The following KCNA6 variants were observed in gnomAD, a reference collection of about 807,000 sequenced individuals.
KCNA6 encodes the protein potassium voltage-gated channel subfamily A member 6.
KCNA6 carries 17 observed loss-of-function variants against 29.5 expected under a neutral mutation model. The observed-to-expected ratio is 0.58, with a 90% confidence interval of 0.39 to 0.86. The LOEUF is 0.86. KCNA6 is among the 40% of genes least tolerant of loss of function. The pLI, the probability that KCNA6 is intolerant of heterozygous loss-of-function variation, is 0.00. For synonymous variants in KCNA6, 296 were observed against 304.7 expected (o/e 0.97, Z 0.30); for missense variants, 450 against 703.4 (o/e 0.64, Z 4.07).
Position 4,811,517 on chromosome 12 carries a change from T to G in KCNA6, c.1476T>G (p.Thr492=). Reference sequence around the variant, plus strand: ...AGCCTGCGCCGGACCTGAGGGCAACTGACAACGGACTTGGCAAGCCTGACT... The same window carrying G: ...AGCCTGCGCCGGACCTGAGGGCAACGGACAACGGACTTGGCAAGCCTGACT... The change falls in exon 1 of 1, where the codon ACT becomes ACG. Residue 492 remains threonine, a synonymous_variant. Transcript: ENST00000280684. The surrounding 1 kb of genome is among the most constrained non-coding windows in gnomAD (Gnocchi z 7.1). 1 of 1,614,150 alleles carries G rather than the reference T, an allele frequency of 6.2e-7. No homozygotes were observed. The highest frequency in any genetic ancestry group is 8.5e-7 in the Non-Finnish European group (1 of 1,180,030).
In KCNA6 at chr12:4,810,313, C is replaced by G. The variant is rs772509286; in HGVS notation, c.272C>G (p.Pro91Arg). 1.9e-6 allele frequency: 3 copies of G among 1,614,014 alleles called. No individual in the cohort carries two copies. Among genetic ancestry groups the G allele is most frequent in the Non-Finnish European group, 2.5e-6 (3 of 1,180,044 alleles). Reference sequence around the variant, plus strand: ...GAGTACTTCTTCGACCGCAACCGGCCCAGCTTCGACGCCATCCTCTACTAC... The same window carrying G: ...GAGTACTTCTTCGACCGCAACCGGCGCAGCTTCGACGCCATCCTCTACTAC... The change falls in exon 1 of 1, where the codon CCC becomes CGC. Residue 91 changes from proline to arginine, a missense_variant. Around this residue, in one of 7 missense-constraint regions of KCNA6, gnomAD observed 133 missense variants for 217.5 expected, o/e 0.61. Coordinates refer to ENST00000280684, the Ensembl canonical transcript of KCNA6. The surrounding 1 kb of genome is among the most constrained non-coding windows in gnomAD (Gnocchi z 7.5).
At chr12:4,840,302 A>G in the KCNA6 span, among the ~76,000 whole-genome samples, 1 of 152,104 alleles carries the variant, frequency 6.6e-6, no homozygotes, top group African/African-American at 2.4e-5. Flanking sequence ...GTAAGTAACA[A>G]CCCCAACAAA....
At chr12:4,843,487 C>A in the KCNA6 span, among the ~76,000 whole-genome samples, 2 of 152,168 alleles carry the variant, frequency 1.3e-5, no homozygotes, top group South Asian at 2.1e-4. Context: ...GCCAAAAATT[C>A]TTTACTTTTT....
At chr12:4,818,224 A>G (rs966176200), downstream of KCNA6, among the ~76,000 whole-genome samples, 2 of 152,216 alleles carry the variant, frequency 1.3e-5, no homozygotes, top group Non-Finnish European at 2.9e-5. Context: ...CATCCTTCCC[A>G]CTGGGAATAG....
chr12:4,845,917 A>G, the KCNA6 span, among the ~76,000 whole-genome samples: 2 of 149,778 alleles, frequency 1.3e-5, no homozygotes, highest in African/African-American at 4.9e-5. Flanking sequence ...TTGTCACTGG[A>G]TTTCTCAGTA....
chr12:4,843,267 G>A, the KCNA6 span, among the ~76,000 whole-genome samples: 2 of 150,772 alleles, frequency 1.3e-5, no homozygotes, highest in African/African-American at 2.4e-5. Context: ...TGCAAGCTCC[G>A]CCTCCCGGGT....
the KCNA6 span, among the ~76,000 whole-genome samples, chr12:4,834,319 C>A: frequency 6.6e-6 from 1 of 152,128 alleles, no homozygotes; most frequent in East Asian, 1.9e-4. Flanking sequence ...TGAGGGGTGA[C>A]AGCTGGGTTG....
the KCNA6 span, among the ~76,000 whole-genome samples, chr12:4,848,785 T>A: frequency 6.6e-6 from 1 of 152,096 alleles, no homozygotes; most frequent in Admixed American, 6.5e-5. Flanking sequence ...AAACTCTAGA[T>A]CAGATGGACT....
the KCNA6 span, among the ~76,000 whole-genome samples, chr12:4,848,343 T>C: frequency 3.8e-4 from 58 of 152,240 alleles, no homozygotes; most frequent in East Asian, 0.01. Context: ...AGGCTTTAAA[T>C]CTTGCCCCCT....
the KCNA6 span, among the ~76,000 whole-genome samples, chr12:4,840,048 T>C: frequency 6.6e-6 from 1 of 152,198 alleles, no homozygotes; most frequent in African/African-American, 2.4e-5. Flanking sequence ...TTATAATGGA[T>C]GGCTATGGTA....
chr12:4,809,971 GCGGGTGC>G, exon 1 of KCNA6: 2 of 1,471,930 alleles, frequency 1.4e-6, no homozygotes, highest in Non-Finnish European at 1.8e-6. Context: ...GAGCTGGGGA[GCGGGTGC>G]CGCGCTCCAG....
chr12:4,834,644 C>T, the KCNA6 span, among the ~76,000 whole-genome samples: 1 of 152,158 alleles, frequency 6.6e-6, no homozygotes, highest in African/African-American at 2.4e-5. Context: ...AAGACCAATG[C>T]AGGCAGCAAG....
the KCNA6 span, among the ~76,000 whole-genome samples, chr12:4,832,610 T>C: frequency 6.6e-6 from 1 of 152,234 alleles, no homozygotes; most frequent in Non-Finnish European, 1.5e-5. Flanking sequence ...GTCCTTGTTA[T>C]GTGCTTCATG....
In KCNA6 at chr12:4,811,460, G is replaced by A; in HGVS notation, c.1419G>A (p.Glu473=). The change falls in exon 1 of 1, where the codon GAG becomes GAA. Residue 473 remains glutamate (E), a synonymous_variant. Transcript: ENST00000280684. This position sits in a 1 kb window ranked among gnomAD's most constrained non-coding sequence, Gnocchi z 7.1. ...ACCACCGGGAGACGGAGCAGGAGGAGCAAGGCCAGTATACCCACGTCACTT... is the reference window on the plus strand; with the variant it reads ...ACCACCGGGAGACGGAGCAGGAGGAACAAGGCCAGTATACCCACGTCACTT... The A allele has an allele frequency of 5.6e-6, 9 of 1,614,224 alleles. No homozygotes were observed. Among genetic ancestry groups the A allele is most frequent in the Non-Finnish European group, 7.6e-6 (9 of 1,180,046 alleles).
Position 4,810,609 on chromosome 12 carries a change from A to G in KCNA6, c.568A>G (p.Ile190Val). Reference sequence around the variant, plus strand: ...GTTGGTCATTCTCATCTCCATAGTCATCTTTTGCCTGGAGACCTTACCCCA... The same window carrying G: ...GTTGGTCATTCTCATCTCCATAGTCGTCTTTTGCCTGGAGACCTTACCCCA... Residue 190 changes from isoleucine (I) to valine (V), a missense_variant, in exon 1 of 1, where the codon ATC becomes GTC. This residue lies in a region of KCNA6 where 133 missense variants were observed against 217.5 expected (regional missense o/e 0.61). Coordinates refer to ENST00000280684, the Ensembl canonical transcript of KCNA6. This position sits in a 1 kb window ranked among gnomAD's most constrained non-coding sequence, Gnocchi z 7.5. 1 of 1,614,100 alleles carries G rather than the reference A, an allele frequency of 6.2e-7. No individual in the cohort carries two copies. The highest frequency in any genetic ancestry group is 8.5e-7 in the Non-Finnish European group (1 of 1,180,024).
chr12:4,834,464 A>C, the KCNA6 span, among the ~76,000 whole-genome samples: 1 of 152,228 alleles, frequency 6.6e-6, no homozygotes, highest in Non-Finnish European at 1.5e-5. Context: ...TTAATCTTCT[A>C]AGAAGGTCAT....
the KCNA6 span, among the ~76,000 whole-genome samples, chr12:4,844,473 G>A: frequency 6.6e-6 from 1 of 152,140 alleles, no homozygotes; most frequent in Admixed American, 6.5e-5. This position sits in a 1 kb window ranked among gnomAD's most constrained non-coding sequence, Gnocchi z 4.0. Context: ...AAGGATGGGA[G>A]GACTGGACCT....
the KCNA6 span, among the ~76,000 whole-genome samples, chr12:4,845,702 C>T: frequency 6.6e-6 from 1 of 152,196 alleles, no homozygotes; most frequent in Non-Finnish European, 1.5e-5. Context: ...AACTCAGCCT[C>T]TTCAGTCCAG....
Position 4,810,216 on chromosome 12 carries a change from C to T in KCNA6, c.175C>T (p.Leu59=), listed in dbSNP as rs764961022. 1 of 1,613,850 alleles carries T rather than the reference C, an allele frequency of 6.2e-7. No individual in the cohort carries two copies. Among genetic ancestry groups the T allele is most frequent in the Non-Finnish European group, 8.5e-7 (1 of 1,180,026 alleles). ...GCGCTTTGAGACACAATTGCGCACCCTGTCGCTGTTTCCGGACACGCTGCT... is the reference window on the plus strand; with the variant it reads ...GCGCTTTGAGACACAATTGCGCACCTTGTCGCTGTTTCCGGACACGCTGCT... Residue 59 remains leucine (L), a synonymous_variant, in exon 1 of 1, where the codon CTG becomes TTG. Coordinates refer to ENST00000280684, the Ensembl canonical transcript of KCNA6. The surrounding 1 kb of genome is among the most constrained non-coding windows in gnomAD (Gnocchi z 7.5).
Sources: allele counts gnomAD v4.1 joint callset (sites outside exome capture counted in the v4.1 genomes callset), GRCh38; gene constraint gnomAD v4.1.1; regional missense constraint gnomAD v4.1.1; non-coding constraint Gnocchi (gnomAD v3.1); transcripts MANE v1.5; gene names NCBI Gene and HGNC (gene_info 2026-07-23, HGNC 2026-07-21).